The following GOLGA8J variants were observed in gnomAD, a reference collection of about 807,000 sequenced individuals.
The protein encoded by GOLGA8J is golgin A8 family member J, also known as golgin subfamily A member 8J.
A neutral mutation model predicts 67.7 loss-of-function variants in GOLGA8J; 19 were observed. That is an observed-to-expected ratio of 0.28 (90% confidence interval 0.20 to 0.41). The LOEUF (loss-of-function observed/expected upper bound fraction) is 0.41, where lower values mean the gene tolerates loss of function less well. GOLGA8J is among the 10% of genes least tolerant of loss of function. GOLGA8J has a pLI of 1.00. For synonymous variants in GOLGA8J, 69 were observed against 215.9 expected (o/e 0.32, Z 5.97); for missense variants, 205 against 584.3 (o/e 0.35, Z 6.69).
Position 30,089,838 on chromosome 15 carries a change from G to C in GOLGA8J, c.1013G>C (p.Arg338Pro), listed in dbSNP as rs200592049. 1.3e-6 allele frequency: 2 copies of C among 1,554,616 alleles called. No individual in the cohort carries two copies. The highest frequency in any genetic ancestry group is 1.7e-5 in the Admixed American group (1 of 57,816). ...CAGCGCATAAGTCTCCTGAACCAGC[G>C]ACAAGAAGAGAGGATTCGGGAGCAG... The part of the protein sequence containing the change: ...NNQRISLLNQ[R>P]QEERIREQEE... Residue 338 changes from arginine to proline, a missense_variant, in exon 12 of 19, where the codon CGA (arginine) becomes CCA (proline). Physicochemically the swap from Arg to Pro is moderately radical, Grantham distance 103. Transcript: ENST00000567927.
At position 30,095,386 on chromosome 15, in the gene GOLGA8J, C is replaced by T. The variant is rs1208576446; in HGVS notation, c.*1887C>T. ...TGCAAATATTCGGTCCTTGTGACTT[C>T]CACTGACTCTTCCAAATTTTATGAA... is the stretch of plus-strand genomic sequence containing the variant. On this transcript the variant is annotated 3_prime_UTR_variant, in exon 19 of 19. Transcript: ENST00000567927. Among the ~76,000 whole-genome samples, 2 of 142,798 alleles carry T rather than the reference C, an allele frequency of 1.4e-5. No individual in the cohort carries two copies. The highest frequency in any genetic ancestry group is 4.4e-4 in the East Asian group (2 of 4,534). 93.7% of individuals were successfully genotyped at this position (142,798 alleles called of 152,430 possible).
chr15:30,095,495 C>T lies in GOLGA8J; in HGVS notation c.*1996C>T, dbSNP rs562821051. Among the ~76,000 whole-genome samples the T allele has an allele frequency of 3.4e-5, 5 of 145,422 alleles. 1 individual carries two copies. The East Asian group carries it at 8.5e-4, about 25-fold the overall frequency. On this transcript the variant is annotated 3_prime_UTR_variant, in exon 19 of 19. Transcript: ENST00000567927. Reference sequence around the variant, plus strand: ...ATAATGCAGCTAATTAACAGTGGTACGATTTGTAGCCCGTGGGTTTAAAAT... The same window carrying T: ...ATAATGCAGCTAATTAACAGTGGTATGATTTGTAGCCCGTGGGTTTAAAAT...
rs1200562378 is a variant in GOLGA8J at position 30,095,455 on chromosome 15, A to G, written c.*1956A>G. 6.8e-5 allele frequency among the ~76,000 whole-genome samples: 10 copies of G among 146,756 alleles called. No individual in the cohort carries two copies. The highest frequency in any genetic ancestry group is 2.6e-4 in the African/African-American group (10 of 38,766). ...AAACCCAGTTTCAGAATGATAAAGA[A>G]AAAATTTAGACCAAATAATGCAGCT... is the stretch of plus-strand genomic sequence containing the variant. On this transcript the variant is annotated 3_prime_UTR_variant, in exon 19 of 19. Transcript: ENST00000567927.
rs1485989250 is a variant in GOLGA8J at position 30,096,348 on chromosome 15, A to G, written c.*2849A>G. On this transcript the variant is annotated 3_prime_UTR_variant, in exon 19 of 19. Coordinates refer to ENST00000567927, the MANE Select transcript of GOLGA8J (RefSeq NM_001282472.2). Reference sequence around the variant, plus strand: ...AAAATGTAAATCAGCCCTATCCATAATATAGTTTCTCTAAAACTTTATTTT... The same window carrying G: ...AAAATGTAAATCAGCCCTATCCATAGTATAGTTTCTCTAAAACTTTATTTT... 6.6e-6 allele frequency among the ~76,000 whole-genome samples: 1 copy of G among 151,100 alleles called. No homozygotes were observed. The highest frequency in any genetic ancestry group is 2.5e-5 in the African/African-American group (1 of 40,786).
At chr15:30,092,004 T>C (rs544139672) in intron 14 of GOLGA8J, 38 bp from the exon 15 acceptor site, 1 of 1,594,696 alleles carries the variant, frequency 6.3e-7, no homozygotes, top group Admixed American at 1.7e-5. Context: ...ACCTCCCTTG[T>C]TGGGTTGTCT....
intron 13 of GOLGA8J, among the ~76,000 whole-genome samples, chr15:30,090,511 G>C (rs1232336300): frequency 6.8e-6 from 1 of 147,486 alleles, no homozygotes; most frequent in Admixed American, 6.7e-5. Context: ...CTAGAGGCAT[G>C]GAGCCCCCAA....
chr15:30,090,677 C>G (rs1196865628), intron 13 of GOLGA8J, among the ~76,000 whole-genome samples: 6 of 100,416 alleles, frequency 6.0e-5, no homozygotes, highest in African/African-American at 4.0e-4. Flanking sequence ...CTCATCTCTA[C>G]TAAAATTACA....
chr15:30,094,190 C>T lies in GOLGA8J; in HGVS notation c.*691C>T, dbSNP rs2057445444. On this transcript the variant is annotated 3_prime_UTR_variant, in exon 19 of 19. Coordinates refer to ENST00000567927, the MANE Select transcript of GOLGA8J (RefSeq NM_001282472.2). ...ACGTGCAGGATAGAGTGTGTTTCAT[C>T]TGTTCCGGTGCCCGGAATTAGCAGT... Among the ~76,000 whole-genome samples, 1 of 143,404 alleles carries T rather than the reference C, an allele frequency of 7.0e-6. No homozygotes were observed. The highest frequency in any genetic ancestry group is 2.2e-4 in the South Asian group (1 of 4,644). The allele number at this position is 143,404 out of a possible 152,430, so 94.1% of individuals were successfully genotyped here. A position where few individuals can be genotyped will look rare whatever the true frequency, so the allele number is the denominator to read the frequency against.
At position 30,088,998 on chromosome 15, in the gene GOLGA8J, G is replaced by A. The variant is rs2057368054; in HGVS notation, c.744G>A (p.Glu248=). 3 of 1,418,764 alleles carry A rather than the reference G, an allele frequency of 2.1e-6. No homozygotes were observed. The Admixed American group carries it at 5.4e-5, about 26-fold the overall frequency. 87.9% of individuals were successfully genotyped at this position (1,418,764 alleles called of 1,614,324 possible). ...AGTATTCTGAACATCTAAAAGGAGA[G>A]AGGGCCCGGTGGCAGCAGAGGATGA... ...RDEYSEHLKG[E]RARWQQRMRK... Residue 248 remains glutamate (E), a synonymous_variant, in exon 10 of 19, where the codon GAG becomes GAA. Coordinates refer to ENST00000567927, the MANE Select transcript of GOLGA8J (RefSeq NM_001282472.2).
In GOLGA8J at chr15:30,089,951, G is replaced by A. The variant is rs1177856754; in HGVS notation, c.1126G>A (p.Glu376Lys). 4 of 1,532,778 alleles carry A rather than the reference G, an allele frequency of 2.6e-6. 1 individual carries two copies. The South Asian group carries it at 3.5e-5, about 14-fold the overall frequency. The allele number at this position is 1,532,778 out of a possible 1,614,324, so 94.9% of individuals were successfully genotyped here. A position where few individuals can be genotyped will look rare whatever the true frequency, so the allele number is the denominator to read the frequency against. ...GGCCAAGCCACAGAGCGTCTTCAAG[G>A]AGCCGGTGCGTTGCCCAAACTGGGG... ...QLAKPQSVFK[E>K]PNNENKNALQ... Residue 376 changes from glutamate to lysine, a missense_variant, in exon 12 of 19, where the codon GAG becomes AAG. Coordinates refer to ENST00000567927, the MANE Select transcript of GOLGA8J (RefSeq NM_001282472.2).
chr15:30,084,943 A>T (rs1238508773), intron 2 of GOLGA8J, 53 bp downstream of exon 2: 2 of 1,493,978 alleles, frequency 1.3e-6, no homozygotes, highest in East Asian at 4.6e-5. Context: ...GGGGCAGTAG[A>T]GGGTAATTGT....
chr15:30,091,999 C>A (rs2057409950), intron 14 of GOLGA8J, 43 bp from the exon 15 acceptor site: 3 of 1,594,460 alleles, frequency 1.9e-6, no homozygotes, highest in East Asian at 2.3e-5. Context: ...ACAGTACCTC[C>A]CTTGTTGGGT....
chr15:30,090,385 G>A, intron 13 of GOLGA8J, 105 bp downstream of exon 13: 11 of 1,520,438 alleles, frequency 7.2e-6, no homozygotes, highest in Admixed American at 2.0e-5. Flanking sequence ...CAGCCTGGGG[G>A]CTGGTGACCA....
At chr15:30,084,545 G>A (rs1000848967) in intron 1 of GOLGA8J, among the ~76,000 whole-genome samples, 3 of 93,614 alleles carry the variant, frequency 3.2e-5, no homozygotes, top group Non-Finnish European at 5.7e-5. Flanking sequence ...AGAGCTTGGA[G>A]TCAGAAGACT....
rs188571213 is a variant in GOLGA8J at position 30,095,057 on chromosome 15, G to C, written c.*1558G>C. Among the ~76,000 whole-genome samples the C allele has an allele frequency of 6.8e-6, 1 of 147,252 alleles. No individual in the cohort carries two copies. The highest frequency in any genetic ancestry group is 6.7e-5 in the Admixed American group (1 of 14,932). On this transcript the variant is annotated 3_prime_UTR_variant, in exon 19 of 19. Transcript: ENST00000567927. ...GCAATATTTATGTGATTGTGCCTAT[G>C]CATGATGAATGAATACATTTCAGTT...
chr15:30,089,528 AC>A (rs1158158185), intron 11 of GOLGA8J, among the ~76,000 whole-genome samples, 171 bp from the exon 12 acceptor site: 4 of 136,824 alleles, frequency 2.9e-5, no homozygotes, highest in Non-Finnish European at 3.1e-5. Context: ...ATTGTCAGCC[AC>A]CCGCAGTGCT....
At chr15:30,090,001 C>G (rs1192513630) in intron 12 of GOLGA8J, 45 bp downstream of exon 12, 1 of 1,447,768 alleles carries the variant, frequency 6.9e-7, no homozygotes, top group Non-Finnish European at 9.1e-7. Context: ...CCTAGACCTC[C>G]GGGCCTTTGT....
intron 8 of GOLGA8J, 140 bp from the exon 9 acceptor site, chr15:30,088,600 A>C: frequency 1.2e-6 from 1 of 826,202 alleles, no homozygotes; most frequent in Non-Finnish European, 2.0e-6. Flanking sequence ...GTTCTTTTAA[A>C]AACCAGACCA....
rs1321714491 is a variant in GOLGA8J, at chr15:30,095,161, G to C, written c.*1662G>C. The stretch of plus-strand genomic sequence containing the variant: ...AACTTCATGAAGTTCTAATGTCTGT[G>C]TTCCAAAACACATCACATTGTTAGG... On this transcript the variant is annotated 3_prime_UTR_variant, in exon 19 of 19. Coordinates refer to ENST00000567927, the MANE Select transcript of GOLGA8J (RefSeq NM_001282472.2). 6.9e-6 allele frequency among the ~76,000 whole-genome samples: 1 copy of C among 144,420 alleles called. No homozygotes were observed. Among genetic ancestry groups the C allele is most frequent in the African/African-American group, 2.7e-5 (1 of 36,882 alleles). The allele number at this position is 144,420 out of a possible 152,430, so 94.7% of individuals were successfully genotyped here.
Sources: gnomAD v4.1 joint callset for allele counts (sites outside exome capture counted in the v4.1 genomes callset) on GRCh38, gnomAD v4.1.1 for gene constraint, MANE v1.5 for transcripts, NCBI Gene and HGNC (gene_info 2026-07-23, HGNC 2026-07-21) for gene names.